CNTNAP2: variants seen among roughly 807,000 people sequenced by gnomAD.
CNTNAP2 encodes contactin-associated protein-like 2.
Under a neutral mutation model 155.2 loss-of-function variants are expected in CNTNAP2, and 98 were observed. That is an observed-to-expected ratio of 0.63 (90% CI 0.54 to 0.75). The LOEUF (loss-of-function observed/expected upper bound fraction) is 0.75. Ranked by LOEUF, CNTNAP2 falls within the 30% of genes least tolerant of loss-of-function variation. CNTNAP2 has a pLI of 0.00. For synonymous variants in CNTNAP2, 651 were observed against 631.2 expected, an observed-to-expected ratio of 1.03 and a Z score of -0.47; for missense variants, 1,727 against 1,688.1, an observed-to-expected ratio of 1.02 and a Z score of -0.40.
chr7:148,234,515 G>A (rs907088815), intron 20 of CNTNAP2, among the ~76,000 whole-genome samples: 2 of 152,150 alleles, frequency 1.3e-5, no homozygotes, highest in Admixed American at 6.5e-5. Flanking sequence ...TTGTCCTCCT[G>A]GTTACATAGT....
intron 3 of CNTNAP2, among the ~76,000 whole-genome samples, chr7:146,927,103 A>G (rs1358458502): frequency 6.6e-6 from 1 of 152,134 alleles, no homozygotes; most frequent in African/African-American, 2.4e-5. Context: ...TAAAATTCCA[A>G]CAGTCTTTCT....
intron 13 of CNTNAP2, among the ~76,000 whole-genome samples, chr7:147,660,803 A>G: frequency 6.6e-6 from 1 of 152,210 alleles, no homozygotes; most frequent in East Asian, 1.9e-4. Context: ...AAAGAGAAGT[A>G]AGATGGTAGG....
chr7:146,742,639 G>T (rs948864940), intron 1 of CNTNAP2, among the ~76,000 whole-genome samples: 1 of 152,106 alleles, frequency 6.6e-6, no homozygotes, highest in Non-Finnish European at 1.5e-5. Context: ...AGTATGAATT[G>T]ATTTCAGAGG....
chr7:148,105,965 C>G (rs983436579), intron 15 of CNTNAP2, among the ~76,000 whole-genome samples: 1 of 152,134 alleles, frequency 6.6e-6, no homozygotes, highest in Non-Finnish European at 1.5e-5. Flanking sequence ...GGAACAGAAC[C>G]AAGTTAGGAG....
chr7:148,158,113 CTGCCCTT>C (rs1215446951), intron 17 of CNTNAP2, among the ~76,000 whole-genome samples: 1 of 152,016 alleles, frequency 6.6e-6, no homozygotes, highest in Non-Finnish European at 1.5e-5. Context: ...TGTATGTTTT[CTGCCCTT>C]TGCCCTTTAG....
At chr7:147,764,776 G>T (rs1797359197) in intron 13 of CNTNAP2, among the ~76,000 whole-genome samples, 1 of 151,888 alleles carries the variant, frequency 6.6e-6, no homozygotes, top group African/African-American at 2.4e-5. Flanking sequence ...GATGTTTTAT[G>T]ACTAAGTTAA....
At chr7:148,281,037 C>T (rs1031165563) in intron 21 of CNTNAP2, among the ~76,000 whole-genome samples, 3 of 152,188 alleles carry the variant, frequency 2.0e-5, no homozygotes, top group East Asian at 1.9e-4. Flanking sequence ...GGGGCTAGTG[C>T]CATCCACCCT....
At chr7:146,705,613 T>C (rs1300288404) in intron 1 of CNTNAP2, among the ~76,000 whole-genome samples, 3 of 130,342 alleles carry the variant, frequency 2.3e-5, no homozygotes, top group African/African-American at 4.8e-5. Context: ...CTTAATGGAC[T>C]CACAGTCCAC....
chr7:147,057,894 TG>T (rs1431748254), intron 4 of CNTNAP2, among the ~76,000 whole-genome samples: 1 of 152,186 alleles, frequency 6.6e-6, no homozygotes, highest in Non-Finnish European at 1.5e-5. Context: ...ACAATATTTA[TG>T]GTGTTAAAGT....
At chr7:146,801,845 G>T (rs539415686) in intron 2 of CNTNAP2, among the ~76,000 whole-genome samples, 1 of 152,236 alleles carries the variant, frequency 6.6e-6, no homozygotes, top group South Asian at 2.1e-4. Context: ...GAATAGAGTG[G>T]AAAGTGAGAT....
intron 1 of CNTNAP2, among the ~76,000 whole-genome samples, chr7:146,233,794 CTCA>C (rs1799425894): frequency 6.6e-6 from 1 of 151,904 alleles, no homozygotes; most frequent in African/African-American, 2.4e-5. Flanking sequence ...AGCACAGGAA[CTCA>C]TCATTTTTTA....
intron 1 of CNTNAP2, among the ~76,000 whole-genome samples, chr7:146,552,673 A>G (rs1563132053): frequency 1.3e-5 from 2 of 152,052 alleles, no homozygotes; most frequent in African/African-American, 4.8e-5. Flanking sequence ...AAATGCACTT[A>G]TTGTAATGTA....
At chr7:146,489,344 T>C (rs144157273) in intron 1 of CNTNAP2, among the ~76,000 whole-genome samples, 20 of 152,330 alleles carry the variant, frequency 1.3e-4, no homozygotes, top group African/African-American at 4.8e-4. Flanking sequence ...ATAAAGAGCA[T>C]TGCAAAAAGC....
intron 3 of CNTNAP2, among the ~76,000 whole-genome samples, chr7:147,030,715 C>A (rs1467281311): frequency 6.6e-6 from 1 of 152,056 alleles, no homozygotes; most frequent in South Asian, 2.1e-4. Flanking sequence ...ACACATCTGA[C>A]TACTTTTAGA....
At chr7:147,179,612 G>A (rs6959477) in intron 8 of CNTNAP2, among the ~76,000 whole-genome samples, 2,639 of 152,242 alleles carry the variant, frequency 0.017, 60 homozygotes, top group African/African-American at 0.059. Context: ...TTCACCAAAA[G>A]GGTAGGTAAT....
At chr7:148,248,229 C>T (rs532866098) in intron 20 of CNTNAP2, among the ~76,000 whole-genome samples, 9 of 151,644 alleles carry the variant, frequency 5.9e-5, no homozygotes, top group South Asian at 2.1e-4. Context: ...GACAGAGTCC[C>T]GCCCTGTCAT....
At chr7:148,047,535 CA>C (rs1467814508) in intron 15 of CNTNAP2, among the ~76,000 whole-genome samples, 2 of 152,050 alleles carry the variant, frequency 1.3e-5, no homozygotes, top group East Asian at 3.9e-4. Flanking sequence ...ACAGTAATAT[CA>C]CCAATAAAAA....
At chr7:146,972,930 G>A (rs192018682) in intron 3 of CNTNAP2, among the ~76,000 whole-genome samples, 1 of 152,130 alleles carries the variant, frequency 6.6e-6, no homozygotes, top group Non-Finnish European at 1.5e-5. Flanking sequence ...ATTCTGTGCT[G>A]TCTAATACCA....
At chr7:146,153,468 TGGAAA>T (rs1400536804) in intron 1 of CNTNAP2, among the ~76,000 whole-genome samples, 3 of 152,082 alleles carry the variant, frequency 2.0e-5, no homozygotes, top group Admixed American at 1.3e-4. Context: ...GTAACAAAGG[TGGAAA>T]ATCTTTTGCA....
Sources: gnomAD v4.1 joint callset for allele counts (sites outside exome capture counted in the v4.1 genomes callset) on GRCh38, gnomAD v4.1.1 for gene constraint, MANE v1.5 for transcripts, NCBI Gene and HGNC (gene_info 2026-07-23, HGNC 2026-07-21) for gene names.